The following ZNF277 variants were observed in gnomAD, a reference collection of about 807,000 sequenced individuals.
The protein encoded by ZNF277 is zinc finger protein 277, also known as nuclear receptor-interacting factor 4.
Under a neutral mutation model 60.7 loss-of-function variants are expected in ZNF277, and 55 were observed. The ratio of observed to expected loss-of-function variants is 0.91; its 90% CI spans 0.73 to 1.13. The LOEUF (loss-of-function observed/expected upper bound fraction) is 1.13. Ranked by LOEUF, ZNF277 falls within the 50% of genes most tolerant of loss-of-function variation. ZNF277 has a pLI of 0.00. For synonymous variants in ZNF277, 178 were observed against 179.3 expected, an observed-to-expected ratio of 0.99 and a Z score of 0.06; for missense variants, 510 against 523.0, an observed-to-expected ratio of 0.98 and a Z score of 0.24.
intron 2 of ZNF277, among the ~76,000 whole-genome samples, chr7:112,295,548 G>A (rs1292146919): frequency 6.6e-6 from 1 of 151,912 alleles, no homozygotes; most frequent in Non-Finnish European, 1.5e-5. Flanking sequence ...ATAAACTTAG[G>A]TGTTATTTCA....
chr7:112,271,217 G>T (rs1214534880), intron 1 of ZNF277, among the ~76,000 whole-genome samples: 1 of 152,108 alleles, frequency 6.6e-6, no homozygotes, highest in Non-Finnish European at 1.5e-5. Context: ...AGAGATACGA[G>T]ATTTCTATCA....
intron 2 of ZNF277, among the ~76,000 whole-genome samples, chr7:112,290,937 A>G (rs1176282275): frequency 6.6e-6 from 1 of 152,176 alleles, no homozygotes; most frequent in Admixed American, 6.5e-5. Flanking sequence ...CTCAAGAGGA[A>G]TTGTTGCTTC....
rs1208123134 is a variant in ZNF277 at position 112,286,975 on chromosome 7, A to T, written c.194A>T (p.Glu65Val). The T allele has an allele frequency of 6.2e-7, 1 of 1,613,546 alleles. No homozygotes were observed. Among genetic ancestry groups the T allele is most frequent in the African/African-American group, 1.3e-5 (1 of 74,680 alleles). ...TCTGTGCCTTGTATTTTCTGTGAAG[A>T]ACATTTTCCTGTGGCTGAACAAGAC... is the stretch of plus-strand genomic sequence containing the variant. ...SPSVPCIFCE[E>V]HFPVAEQDKL... Residue 65 changes from glutamate (E) to valine (V), a missense_variant, in exon 2 of 12, where the codon GAA becomes GTA. Transcript: ENST00000361822.
chr7:112,295,858 G>A lies in ZNF277; in HGVS notation c.294-11G>A, dbSNP rs10253360. 30,459 of 1,596,846 alleles carry A rather than the reference G, an allele frequency of 0.019. 1,422 individuals carry two copies. The highest frequency in any genetic ancestry group is 0.18 in the African/African-American group (13,611 of 74,486). On this transcript the variant is annotated splice_polypyrimidine_tract_variant and intron_variant, in intron 2 of 11. Transcript: ENST00000361822. Reference sequence around the variant, plus strand: ...ATCTTCTCATCGTTCCTTATTTTATGTTGTTCTAAGGTACATTTTATATTG... The same window carrying A: ...ATCTTCTCATCGTTCCTTATTTTATATTGTTCTAAGGTACATTTTATATTG...
At chr7:112,239,995 C>T (rs1006011463) in intron 1 of ZNF277, among the ~76,000 whole-genome samples, 2 of 152,068 alleles carry the variant, frequency 1.3e-5, no homozygotes, top group South Asian at 2.1e-4. Context: ...CTCTTTGCTT[C>T]TTTGTTAGTG....
intron 1 of ZNF277, among the ~76,000 whole-genome samples, chr7:112,272,834 T>C (rs1306252149): frequency 1.3e-5 from 2 of 152,196 alleles, no homozygotes; most frequent in Non-Finnish European, 2.9e-5. Context: ...CTGTTCTCCA[T>C]AGTGACTATA....
chr7:112,294,069 C>T (rs1028547435), intron 2 of ZNF277, among the ~76,000 whole-genome samples: 1 of 152,208 alleles, frequency 6.6e-6, no homozygotes, highest in African/African-American at 2.4e-5. Context: ...CTACTGTGTT[C>T]CTTCATCCCT....
At chr7:112,284,561 G>C (rs543588429) in intron 1 of ZNF277, among the ~76,000 whole-genome samples, 1 of 152,152 alleles carries the variant, frequency 6.6e-6, no homozygotes, top group South Asian at 2.1e-4. Flanking sequence ...TAGAATTCCA[G>C]AACTCCTTGA....
At chr7:112,257,894 AC>A (rs1201540395) in intron 1 of ZNF277, among the ~76,000 whole-genome samples, 1 of 151,866 alleles carries the variant, frequency 6.6e-6, no homozygotes, top group Admixed American at 6.6e-5. Context: ...ACTCACAGCA[AC>A]CCCGAACTCC....
At chr7:112,249,974 A>G (rs1361282142) in intron 1 of ZNF277, among the ~76,000 whole-genome samples, 2 of 152,158 alleles carry the variant, frequency 1.3e-5, no homozygotes, top group Admixed American at 6.6e-5. Flanking sequence ...GGATAACAGC[A>G]ATTGTTCAGG....
rs1466090528 is a variant in ZNF277 at position 112,206,759 on chromosome 7, G to A, written c.43G>A (p.Glu15Lys). The A allele has an allele frequency of 1.9e-6, 3 of 1,613,194 alleles. No homozygotes were observed. The highest frequency in any genetic ancestry group is 3.3e-5 in the Admixed American group (2 of 59,812). Residue 15 changes from glutamate (E) to lysine (K), a missense_variant, in exon 1 of 12, where the codon GAA becomes AAA. Transcript: ENST00000361822. ...CCAGGGGGCTGTCGCCCGAATGCAGGAAGACCGTGATGGGAGCTGCAGCAC... is the reference window on the plus strand; with the variant it reads ...CCAGGGGGCTGTCGCCCGAATGCAGAAAGACCGTGATGGGAGCTGCAGCAC... The part of the protein sequence containing the change: ...KTQGAVARMQ[E>K]DRDGSCSTVG...
At chr7:112,341,067 TG>T (rs760227138) in intron 11 of ZNF277, 21 bp downstream of exon 11, 44 of 1,549,742 alleles carry the variant, frequency 2.8e-5, no homozygotes, top group African/African-American at 4.2e-5. Context: ...CAAAACCAAA[TG>T]TGCACTTCTT....
intron 6 of ZNF277, among the ~76,000 whole-genome samples, chr7:112,329,685 C>T (rs771982739): frequency 6.6e-6 from 1 of 152,182 alleles, no homozygotes; most frequent in Non-Finnish European, 1.5e-5. Flanking sequence ...TGCAAATCAG[C>T]TCACAGGATA....
chr7:112,253,664 C>T (rs1791244335), intron 1 of ZNF277, among the ~76,000 whole-genome samples: 2 of 152,134 alleles, frequency 1.3e-5, no homozygotes, highest in South Asian at 4.1e-4. Context: ...CCTTATTGTA[C>T]ATAATAAAAT....
At chr7:112,231,913 A>G (rs887770132) in intron 1 of ZNF277, among the ~76,000 whole-genome samples, 1 of 151,916 alleles carries the variant, frequency 6.6e-6, no homozygotes, top group African/African-American at 2.4e-5. Context: ...TTATTTCAGA[A>G]ACAGACAAAA....
At chr7:112,342,417 G>T in intron 11 of ZNF277, 144 bp from the exon 12 acceptor site, 1 of 537,060 alleles carries the variant, frequency 1.9e-6, no homozygotes, top group Admixed American at 4.2e-5. Flanking sequence ...GCAATCAGAA[G>T]TTGTCTCCAG....
chr7:112,235,175 A>G (rs1822454818), intron 1 of ZNF277, among the ~76,000 whole-genome samples: 1 of 152,078 alleles, frequency 6.6e-6, no homozygotes, highest in Non-Finnish European at 1.5e-5. Flanking sequence ...GTATTTTTAT[A>G]TTTTTATATT....
intron 8 of ZNF277, among the ~76,000 whole-genome samples, chr7:112,337,487 C>T (rs996027685): frequency 1.3e-5 from 2 of 152,076 alleles, no homozygotes; most frequent in East Asian, 1.9e-4. Context: ...CTCAGAAGAA[C>T]GGCAAATAGG....
At chr7:112,238,219 G>T (rs1453985461) in intron 1 of ZNF277, among the ~76,000 whole-genome samples, 1 of 152,326 alleles carries the variant, frequency 6.6e-6, no homozygotes, top group East Asian at 1.9e-4. Context: ...CTCAGCAGTG[G>T]CAGCTTAGCG....
Sources: allele counts gnomAD v4.1 joint callset (sites outside exome capture counted in the v4.1 genomes callset), GRCh38; gene constraint gnomAD v4.1.1; transcripts MANE v1.5; gene names NCBI Gene and HGNC (gene_info 2026-07-23, HGNC 2026-07-21).